The following PTGFRN variants were observed in gnomAD, a reference collection of about 807,000 sequenced individuals.
PTGFRN encodes the protein prostaglandin F2 receptor negative regulator.
PTGFRN carries 35 observed loss-of-function variants against 83.2 expected under a neutral mutation model. That is an observed-to-expected ratio of 0.42 (90% CI 0.32 to 0.56). The LOEUF (loss-of-function observed/expected upper bound fraction) is 0.56. PTGFRN is among the 20% of genes least tolerant of loss of function. The pLI, the probability that PTGFRN is intolerant of heterozygous loss-of-function variation, is 0.11. For synonymous variants in PTGFRN, 519 were observed against 498.6 expected, an observed-to-expected ratio of 1.04 and a Z score of -0.55; for missense variants, 1,051 against 1,179.5, an observed-to-expected ratio of 0.89 and a Z score of 1.60.
chr1:116,984,750 G>A lies in PTGFRN; in HGVS notation c.2238G>A (p.Leu746=). 1.2e-6 allele frequency: 2 copies of A among 1,614,130 alleles called. No individual in the cohort carries two copies. The highest frequency in any genetic ancestry group is 1.6e-4 in the Middle Eastern group (1 of 6,062). ...SFGLDKAPVL[L]SSLDRKGIVT... ...GCCTGGACAAGGCTCCTGTGCTCCT[G>A]TCTTCCCTGGATCGGAAGGGCATCG... is the stretch of plus-strand genomic sequence containing the variant. The change falls in exon 8 of 9, where the codon CTG becomes CTA. Residue 746 remains leucine, a synonymous_variant. Coordinates refer to ENST00000393203, the MANE Select transcript of PTGFRN (RefSeq NM_020440.4).
At chr1:116,986,698 C>T (rs1651496342) in intron 8 of PTGFRN, 103 bp from the exon 9 acceptor site, 3 of 1,163,908 alleles carry the variant, frequency 2.6e-6, no homozygotes, top group East Asian at 4.8e-5. Context: ...GAGACCTTAT[C>T]TCTCGGGAGA....
Position 116,958,258 on chromosome 1 carries a change from G to A in PTGFRN, c.1214-2985G>A, listed in dbSNP as rs1331783422. Among the ~76,000 whole-genome samples, 1 of 152,208 alleles carries A rather than the reference G, an allele frequency of 6.6e-6. No homozygotes were observed. The highest frequency in any genetic ancestry group is 2.4e-5 in the African/African-American group (1 of 41,446). ...TCACACTGGTCAGTCAGGCTGAGGC[G>A]AGGGCCTGCAGGGAGCTGTCTTCTG... On this transcript the variant is annotated intron_variant, in intron 4 of 8. Coordinates refer to ENST00000393203, the MANE Select transcript of PTGFRN (RefSeq NM_020440.4). This position sits in a 1 kb window ranked among gnomAD's most constrained non-coding sequence, Gnocchi z 4.9.
chr1:116,914,862 T>C (rs1232429933), intron 1 of PTGFRN, among the ~76,000 whole-genome samples: 2 of 152,004 alleles, frequency 1.3e-5, no homozygotes, highest in Non-Finnish European at 2.9e-5. Context: ...TTTTTCCTCA[T>C]AGCTTCTGTA....
chr1:116,944,956 C>G lies in PTGFRN; in HGVS notation c.696C>G (p.Leu232=). The G allele has an allele frequency of 1.2e-6, 2 of 1,613,620 alleles. No homozygotes were observed. Among genetic ancestry groups the G allele is most frequent in the Non-Finnish European group, 8.5e-7 (1 of 1,180,022 alleles). Reference sequence around the variant, plus strand: ...CCGTGGGCAGCGACGCCTACCGCCTCTCAGTGTCCCGGGCTCTGTCTGCCG... The same window carrying G: ...CCGTGGGCAGCGACGCCTACCGCCTGTCAGTGTCCCGGGCTCTGTCTGCCG... ...LDTVGSDAYR[L]SVSRALSADQ... Residue 232 remains leucine, a synonymous_variant, in exon 3 of 9, where the codon CTC becomes CTG. Transcript: ENST00000393203.
intron 5 of PTGFRN, among the ~76,000 whole-genome samples, chr1:116,965,352 G>A (rs1187800960): frequency 6.6e-6 from 1 of 152,130 alleles, no homozygotes; most frequent in Admixed American, 6.5e-5. Flanking sequence ...AGGCTGGAGT[G>A]CAGTGGCACC....
chr1:116,960,833 G>T (rs1650629044), intron 4 of PTGFRN, among the ~76,000 whole-genome samples: 1 of 152,182 alleles, frequency 6.6e-6, no homozygotes, highest in Non-Finnish European at 1.5e-5. Context: ...TACTGTTCCA[G>T]TGGGGGTGTT....
rs951976281 is a variant in PTGFRN at position 116,990,067 on chromosome 1, A to G, written c.*3100A>G. 1 of 152,666 alleles carries G rather than the reference A, an allele frequency of 6.6e-6. No homozygotes were observed. Among genetic ancestry groups the G allele is most frequent in the Non-Finnish European group, 1.5e-5 (1 of 68,040 alleles). The allele number at this position is 152,666 out of a possible 1,614,324, so 9.5% of individuals were successfully genotyped here. On this transcript the variant is annotated 3_prime_UTR_variant, in exon 9 of 9. Coordinates refer to ENST00000393203, the MANE Select transcript of PTGFRN (RefSeq NM_020440.4). ...ACTTTTTTTTAGCTTCACCGATGAC[A>G]ACAGAGGAAGAAGGGAACTGGGATT...
At chr1:116,931,698 C>T (rs1649808051) in intron 1 of PTGFRN, among the ~76,000 whole-genome samples, 1 of 152,078 alleles carries the variant, frequency 6.6e-6, no homozygotes, top group Non-Finnish European at 1.5e-5. Context: ...TCAGACCTCT[C>T]AGTGGCAGAC....
chr1:116,988,063 G>A lies in PTGFRN; in HGVS notation c.*1096G>A, dbSNP rs1472369761. On this transcript the variant is annotated 3_prime_UTR_variant, in exon 9 of 9. Coordinates refer to ENST00000393203, the MANE Select transcript of PTGFRN (RefSeq NM_020440.4). ...CACACGTGCTTGGGCTCCTTAACCT[G>A]AAGGCAAATTGCTACTTGCAAGACT... 6.6e-6 allele frequency: 1 copy of A among 152,176 alleles called. No individual in the cohort carries two copies. The highest frequency in any genetic ancestry group is 2.4e-5 in the African/African-American group (1 of 41,434). The allele number at this position is 152,176 out of a possible 1,614,324, so 9.4% of individuals were successfully genotyped here.
At chr1:116,981,744 C>T (rs901377660) in intron 7 of PTGFRN, among the ~76,000 whole-genome samples, 10 of 152,188 alleles carry the variant, frequency 6.6e-5, no homozygotes, top group African/African-American at 7.2e-5. Context: ...TGAAAGAAGC[C>T]GTAGATAATA....
chr1:116,948,489 T>A (rs1472629245), intron 3 of PTGFRN, among the ~76,000 whole-genome samples: 1 of 152,246 alleles, frequency 6.6e-6, no homozygotes, highest in African/African-American at 2.4e-5. Context: ...AAATAAATTA[T>A]ACTCTCAGTA....
chr1:116,960,931 T>C (rs1335201555), intron 4 of PTGFRN, among the ~76,000 whole-genome samples: 1 of 152,136 alleles, frequency 6.6e-6, no homozygotes, highest in Non-Finnish European at 1.5e-5. Flanking sequence ...TCAGAAGACC[T>C]TAACCTCTTG....
chr1:116,939,862 A>G (rs1650017829), intron 1 of PTGFRN, among the ~76,000 whole-genome samples: 1 of 152,198 alleles, frequency 6.6e-6, no homozygotes. Flanking sequence ...TCTCAAGTTC[A>G]AAGTTCCACA....
chr1:116,960,687 G>A (rs895293079), intron 4 of PTGFRN, among the ~76,000 whole-genome samples: 1 of 152,178 alleles, frequency 6.6e-6, no homozygotes, highest in Admixed American at 6.5e-5. Flanking sequence ...GGTAAAGTGA[G>A]GACATAAATA....
At chr1:116,917,654 G>C (rs1028993547) in intron 1 of PTGFRN, among the ~76,000 whole-genome samples, 3 of 152,142 alleles carry the variant, frequency 2.0e-5, no homozygotes, top group Admixed American at 2.0e-4. Flanking sequence ...TTTTAGGACA[G>C]GGTCTCACGC....
In PTGFRN at chr1:116,944,732, A is replaced by G. The variant is rs1016546450; in HGVS notation, c.472A>G (p.Ser158Gly). The change falls in exon 3 of 9, where the codon AGC becomes GGC. Residue 158 changes from serine to glycine, a missense_variant. Physicochemically the swap from Ser to Gly is moderately conservative, Grantham distance 56. Coordinates refer to ENST00000393203, the MANE Select transcript of PTGFRN (RefSeq NM_020440.4). Reference sequence around the variant, plus strand: ...CAGCGCGCGGCCCCCGCCGAGCCTGAGCCTGCGGGAGGGGGAGCCCTTCGA... The same window carrying G: ...CAGCGCGCGGCCCCCGCCGAGCCTGGGCCTGCGGGAGGGGGAGCCCTTCGA... ...GPSARPPPSL[S>G]LREGEPFELR... 2.7e-6 allele frequency: 4 copies of G among 1,472,852 alleles called. No homozygotes were observed. Among genetic ancestry groups the G allele is most frequent in the East Asian group, 2.6e-5 (1 of 37,740 alleles). 91.2% of individuals were successfully genotyped at this position (1,472,852 alleles called of 1,614,324 possible). A position where few individuals can be genotyped will look rare whatever the true frequency, so the allele number is the denominator to read the frequency against.
intron 1 of PTGFRN, among the ~76,000 whole-genome samples, chr1:116,912,290 T>TTG (rs1179085615): frequency 6.6e-6 from 1 of 152,194 alleles, no homozygotes; most frequent in Non-Finnish European, 1.5e-5. Context: ...CTCTGAACCA[T>TTG]TGATGACCCT....
chr1:116,954,350 T>A (rs1650429879), intron 4 of PTGFRN, among the ~76,000 whole-genome samples: 1 of 143,806 alleles, frequency 7.0e-6, no homozygotes, highest in Non-Finnish European at 1.5e-5. Context: ...TAAATGTCGG[T>A]GAATATTTAA....
chr1:116,959,760 G>A (rs1196265669), intron 4 of PTGFRN, among the ~76,000 whole-genome samples: 3 of 152,054 alleles, frequency 2.0e-5, no homozygotes, highest in African/African-American at 7.2e-5. Flanking sequence ...GATCACTTGA[G>A]GTCAGGAGTT....
Sources: gnomAD v4.1 joint callset for allele counts (sites outside exome capture counted in the v4.1 genomes callset) on GRCh38, gnomAD v4.1.1 for gene constraint, Gnocchi (gnomAD v3.1) non-coding constraint, MANE v1.5 for transcripts, NCBI Gene and HGNC (gene_info 2026-07-23, HGNC 2026-07-21) for gene names.